FBXL7: variants seen among roughly 807,000 people sequenced by gnomAD.
FBXL7 encodes the protein F-box and leucine rich repeat protein 7.
Under a neutral mutation model 38.3 loss-of-function variants are expected in FBXL7, and 12 were observed. The ratio of observed to expected loss-of-function variants is 0.31; its 90% CI spans 0.20 to 0.51. The LOEUF is 0.51. Ranked by LOEUF, FBXL7 falls within the 20% of genes least tolerant of loss-of-function variation. The pLI is 0.98. For synonymous variants in FBXL7, 297 were observed against 300.9 expected, an observed-to-expected ratio of 0.99 and a Z score of 0.13; for missense variants, 567 against 676.4, an observed-to-expected ratio of 0.84 and a Z score of 1.79.
At chr5:15,685,028 AT>A (rs961164449) in intron 2 of FBXL7, among the ~76,000 whole-genome samples, 18 of 150,560 alleles carry the variant, frequency 1.2e-4, no homozygotes, top group South Asian at 2.1e-4. Flanking sequence ...AATAAAGAGG[AT>A]TTTTTTTTTC....
At chr5:15,747,435 A>G (rs900870158) in intron 2 of FBXL7, among the ~76,000 whole-genome samples, 3 of 152,192 alleles carry the variant, frequency 2.0e-5, no homozygotes, top group African/African-American at 7.2e-5. Flanking sequence ...GGTCCAACCT[A>G]AAAGTACTAG....
chr5:15,676,208 G>A (rs1364004207), intron 2 of FBXL7, among the ~76,000 whole-genome samples: 5 of 151,402 alleles, frequency 3.3e-5, no homozygotes, highest in Admixed American at 6.6e-5. Flanking sequence ...GTAATTATCC[G>A]GGGGGCCCTT....
chr5:15,516,311 A>G (rs1736934873), intron 1 of FBXL7, among the ~76,000 whole-genome samples: 1 of 152,174 alleles, frequency 6.6e-6, no homozygotes, highest in South Asian at 2.1e-4. Context: ...TTCAAACCCA[A>G]TTCAATGTTA....
intron 2 of FBXL7, among the ~76,000 whole-genome samples, chr5:15,846,440 T>G (rs1167444507): frequency 6.6e-6 from 1 of 152,216 alleles, no homozygotes; most frequent in Non-Finnish European, 1.5e-5. Flanking sequence ...AAGAGTTTCT[T>G]TGAGCAAACA....
At chr5:15,750,573 C>G (rs1259129244) in intron 2 of FBXL7, among the ~76,000 whole-genome samples, 4 of 152,196 alleles carry the variant, frequency 2.6e-5, no homozygotes, top group African/African-American at 9.6e-5. Context: ...AAGCTCCATT[C>G]TGAATTTATG....
chr5:15,779,389 C>A (rs1285453273), intron 2 of FBXL7, among the ~76,000 whole-genome samples: 1 of 151,998 alleles, frequency 6.6e-6, no homozygotes, highest in Non-Finnish European at 1.5e-5. Flanking sequence ...AATGACTATT[C>A]CAGTTACCCT....
intron 2 of FBXL7, among the ~76,000 whole-genome samples, chr5:15,770,770 C>T (rs1217288696): frequency 6.6e-6 from 1 of 152,068 alleles, no homozygotes; most frequent in African/African-American, 2.4e-5. Flanking sequence ...AATTCACTTC[C>T]CCACCATCAT....
intron 2 of FBXL7, among the ~76,000 whole-genome samples, chr5:15,647,873 C>A (rs114486960): frequency 0.023 from 3,477 of 152,270 alleles, 53 homozygotes; most frequent in Non-Finnish European, 0.036. Context: ...CAAGCCCATG[C>A]AGCTGACAGT....
At chr5:15,602,734 C>A (rs529117583) in intron 1 of FBXL7, among the ~76,000 whole-genome samples, 2 of 152,068 alleles carry the variant, frequency 1.3e-5, no homozygotes, top group African/African-American at 4.8e-5. Flanking sequence ...ACCCTCCCCC[C>A]AAAAAGAAGA....
At chr5:15,657,632 G>A (rs1039844342) in intron 2 of FBXL7, among the ~76,000 whole-genome samples, 4 of 151,976 alleles carry the variant, frequency 2.6e-5, no homozygotes, top group African/African-American at 9.7e-5. Flanking sequence ...TCATGAGTTC[G>A]AGACCAGCCT....
intron 1 of FBXL7, among the ~76,000 whole-genome samples, chr5:15,525,942 G>A (rs1185059749): frequency 6.6e-6 from 1 of 152,126 alleles, no homozygotes; most frequent in Non-Finnish European, 1.5e-5. Context: ...GTTTTGCAGA[G>A]GACACACACT....
intron 1 of FBXL7, among the ~76,000 whole-genome samples, chr5:15,526,081 C>T (rs897126460): frequency 6.6e-6 from 1 of 151,930 alleles, no homozygotes; most frequent in African/African-American, 2.4e-5. Flanking sequence ...AGGTCATCTG[C>T]AATGGTAGGG....
At chr5:15,608,978 G>A (rs1338148708) in intron 1 of FBXL7, among the ~76,000 whole-genome samples, 1 of 152,160 alleles carries the variant, frequency 6.6e-6, no homozygotes, top group African/African-American at 2.4e-5. Flanking sequence ...ACAAGACTTA[G>A]AGTTTGACAG....
intron 2 of FBXL7, among the ~76,000 whole-genome samples, chr5:15,664,846 C>G (rs1321641649): frequency 7.1e-6 from 1 of 140,426 alleles, no homozygotes; most frequent in Non-Finnish European, 1.5e-5. Flanking sequence ...GCTTGTGTTG[C>G]TTTGGCCTTT....
intron 1 of FBXL7, among the ~76,000 whole-genome samples, chr5:15,608,384 G>T (rs1740104020): frequency 6.6e-6 from 1 of 152,144 alleles, no homozygotes; most frequent in South Asian, 2.1e-4. Context: ...ACACAAGAGT[G>T]CTTGGAAAGT....
chr5:15,541,551 T>A (rs1737754916), intron 1 of FBXL7, among the ~76,000 whole-genome samples: 1 of 139,104 alleles, frequency 7.2e-6, no homozygotes, highest in South Asian at 2.3e-4. Context: ...CTCTTTTTTT[T>A]TTTTTTTTTT....
At chr5:15,813,334 C>T (rs1737920208) in intron 2 of FBXL7, among the ~76,000 whole-genome samples, 1 of 152,084 alleles carries the variant, frequency 6.6e-6, no homozygotes, top group African/African-American at 2.4e-5. Flanking sequence ...GAAAGGATTC[C>T]CTATTTAATA....
chr5:15,858,142 A>G (rs1054849344), intron 2 of FBXL7, among the ~76,000 whole-genome samples: 2 of 151,742 alleles, frequency 1.3e-5, no homozygotes, highest in Non-Finnish European at 2.9e-5. Context: ...AATTATTGCA[A>G]ATTTTATCCT....
chr5:15,795,002 G>C (rs893460044), intron 2 of FBXL7, among the ~76,000 whole-genome samples: 6 of 152,218 alleles, frequency 3.9e-5, no homozygotes, highest in African/African-American at 1.4e-4. Flanking sequence ...AGCATGAACT[G>C]CTTATGAAAC....
Sources: gnomAD v4.1 joint callset for allele counts (sites outside exome capture counted in the v4.1 genomes callset) on GRCh38, gnomAD v4.1.1 for gene constraint, MANE v1.5 for transcripts, NCBI Gene and HGNC (gene_info 2026-07-23, HGNC 2026-07-21) for gene names.